SLC17A1: variants seen among roughly 807,000 people sequenced by gnomAD.
SLC17A1 encodes the protein solute carrier family 17 member 1, also known as sodium-dependent phosphate transport protein 1.
In SLC17A1, 51 loss-of-function variants were observed where a neutral mutation model predicts 53.5. That is an observed-to-expected ratio of 0.95 (90% CI 0.76 to 1.20). The LOEUF (loss-of-function observed/expected upper bound fraction) is 1.20. Ranked by LOEUF, SLC17A1 falls within the 50% of genes most tolerant of loss-of-function variation. SLC17A1 has a pLI of 0.00. For synonymous variants in SLC17A1, 179 were observed against 198.8 expected, an observed-to-expected ratio of 0.90 and a Z score of 0.84; for missense variants, 538 against 568.2, an observed-to-expected ratio of 0.95 and a Z score of 0.54.
In SLC17A1 at chr6:25,812,836, T is replaced by C; in HGVS notation, c.892A>G (p.Lys298Glu). 1.2e-6 allele frequency: 2 copies of C among 1,604,132 alleles called. No individual in the cohort carries two copies. The highest frequency in any genetic ancestry group is 2.2e-5 in the East Asian group (1 of 44,806). Residue 298 changes from lysine (K) to glutamate (E), a missense_variant, in exon 8 of 13, where the codon AAA becomes GAA. Transcript: ENST00000244527. ...FINSMLHVNI[K>E]ENGFLSSLPY... ...AGAACAAATAGTATACTTACCTCTT[T>C]TATATTAACATGAAGCATGGAGTTG...
In SLC17A1 at chr6:25,819,754, C is replaced by T. The variant is rs761221122; in HGVS notation, c.369G>A (p.Leu123=). 6.2e-7 allele frequency: 1 copy of T among 1,614,186 alleles called. No individual in the cohort carries two copies. The highest frequency in any genetic ancestry group is 1.1e-5 in the South Asian group (1 of 91,084). ...FALCLSSVLS[L]LIPPAAGIGV... The stretch of plus-strand genomic sequence containing the variant: ...CAATTCCAGCTGCTGGTGGGATGAG[C>T]AGGCTTAACACAGAGCTGAGGCATA... Residue 123 remains leucine, a synonymous_variant, in exon 4 of 13, where the codon CTG becomes CTA. Coordinates refer to ENST00000244527, the MANE Select transcript of SLC17A1 (RefSeq NM_005074.5).
the SLC17A1 span, chr6:25,732,669 T>A: frequency 1.5e-6 from 2 of 1,348,406 alleles, no homozygotes; most frequent in Non-Finnish European, 2.1e-6. Flanking sequence ...ACCCGCATCA[T>A]CCCGCGCCAC....
chr6:25,750,304 G>A, the SLC17A1 span, among the ~76,000 whole-genome samples: 3 of 152,228 alleles, frequency 2.0e-5, no homozygotes, highest in East Asian at 5.8e-4. Flanking sequence ...TCTTGGCATA[G>A]TTAATGTAAA....
chr6:25,802,915 G>A (rs1225683157), intron 10 of SLC17A1, among the ~76,000 whole-genome samples: 8 of 116,922 alleles, frequency 6.8e-5, no homozygotes, highest in African/African-American at 9.3e-5. Context: ...TATTTATGAC[G>A]TTTTAACGAC....
chr6:25,779,300 A>C (rs371648847), downstream of SLC17A1: 6 of 1,427,900 alleles, frequency 4.2e-6, no homozygotes, highest in Admixed American at 6.8e-5. Flanking sequence ...GACCCTGACT[A>C]TGTAACGCTA....
chr6:25,762,051 A>C, the SLC17A1 span: 2 of 1,612,950 alleles, frequency 1.2e-6, no homozygotes, highest in South Asian at 1.1e-5. Flanking sequence ...TGCTCCAGGA[A>C]AGGTAAAATC....
chr6:25,785,988 T>C (rs1763374591), intron 12 of SLC17A1, among the ~76,000 whole-genome samples: 1 of 152,160 alleles, frequency 6.6e-6, no homozygotes, highest in Non-Finnish European at 1.5e-5. Context: ...CCCCACAAAA[T>C]TGAAACATAT....
Position 25,791,898 on chromosome 6 carries a change from C to T in SLC17A1, c.*2+6885G>A, listed in dbSNP as rs114474290. The stretch of plus-strand genomic sequence containing the variant: ...TGGCGGGAACATTTCCTACTACTTA[C>T]GTGGCTTCATTCTCTGTCTCTGCCT... On this transcript the variant is annotated intron_variant, in intron 12 of 12. Coordinates refer to ENST00000244527, the MANE Select transcript of SLC17A1 (RefSeq NM_005074.5). Among the ~76,000 whole-genome samples the T allele has an allele frequency of 6.4e-3, 973 of 152,336 alleles. 4 individuals are homozygous for T. The highest frequency in any genetic ancestry group is 0.022 in the African/African-American group (902 of 41,580).
At chr6:25,725,942 C>T in the SLC17A1 span, among the ~76,000 whole-genome samples, 1 of 152,196 alleles carries the variant, frequency 6.6e-6, no homozygotes, top group Admixed American at 6.5e-5. Flanking sequence ...TGGAACGCTC[C>T]TTGAAAATTC....
the SLC17A1 span, chr6:25,773,468 A>T: frequency 6.2e-7 from 1 of 1,612,884 alleles, no homozygotes; most frequent in South Asian, 1.1e-5. Context: ...TGATAGAGAG[A>T]GCTGCCTTCT....
chr6:25,807,306 G>A (rs1027456541), intron 10 of SLC17A1, among the ~76,000 whole-genome samples: 9 of 152,156 alleles, frequency 5.9e-5, no homozygotes, highest in African/African-American at 9.6e-5. Flanking sequence ...CAACTGATGC[G>A]TGTATAAAGA....
chr6:25,824,852 G>C (rs1764687871), intron 3 of SLC17A1, among the ~76,000 whole-genome samples: 1 of 151,796 alleles, frequency 6.6e-6, no homozygotes, highest in Non-Finnish European at 1.5e-5. Flanking sequence ...CTTCCTTTCA[G>C]TTCTCACAGT....
chr6:25,737,160 A>G, the SLC17A1 span, among the ~76,000 whole-genome samples: 2 of 152,186 alleles, frequency 1.3e-5, no homozygotes, highest in African/African-American at 4.8e-5. Flanking sequence ...ATTACCAGCC[A>G]TTATTCTATA....
chr6:25,750,775 C>G, the SLC17A1 span, among the ~76,000 whole-genome samples: 3 of 151,926 alleles, frequency 2.0e-5, no homozygotes, highest in East Asian at 5.8e-4. Flanking sequence ...GGTTATGTCA[C>G]TTGTGTGTGT....
chr6:25,758,665 T>C, the SLC17A1 span, among the ~76,000 whole-genome samples: 2 of 152,242 alleles, frequency 1.3e-5, no homozygotes, highest in Non-Finnish European at 2.9e-5. Context: ...ATTGAGCTTA[T>C]TTGGATCTTC....
chr6:25,725,228 A>G, the SLC17A1 span, among the ~76,000 whole-genome samples: 1 of 152,212 alleles, frequency 6.6e-6, no homozygotes, highest in African/African-American at 2.4e-5. Context: ...TCTAAACTTC[A>G]AATTATGTTC....
the SLC17A1 span, among the ~76,000 whole-genome samples, chr6:25,750,465 A>G: frequency 6.6e-6 from 1 of 152,238 alleles, no homozygotes; most frequent in Non-Finnish European, 1.5e-5. Context: ...ACTATTTCTC[A>G]ACTCCCAACA....
chr6:25,822,564 T>C (rs576032905), intron 3 of SLC17A1, among the ~76,000 whole-genome samples: 10 of 152,250 alleles, frequency 6.6e-5, no homozygotes, highest in Admixed American at 5.2e-4. Flanking sequence ...GGAAATTTCA[T>C]GGGATGGCAA....
intron 2 of SLC17A1, among the ~76,000 whole-genome samples, chr6:25,827,107 G>A (rs1294899038): frequency 6.6e-6 from 1 of 152,074 alleles, no homozygotes; most frequent in Non-Finnish European, 1.5e-5. Context: ...TAATCAGTTG[G>A]TGTACAGCCA....
Sources: gnomAD v4.1 joint callset for allele counts (sites outside exome capture counted in the v4.1 genomes callset) on GRCh38, gnomAD v4.1.1 for gene constraint, MANE v1.5 for transcripts, NCBI Gene and HGNC (gene_info 2026-07-23, HGNC 2026-07-21) for gene names.